TRPC4: variants seen among roughly 807,000 people sequenced by gnomAD.
TRPC4 encodes the protein transient receptor potential cation channel subfamily C member 4, also known as short transient receptor potential channel 4.
TRPC4 carries 49 observed loss-of-function variants against 99.4 expected under a neutral mutation model. The observed-to-expected ratio is 0.49, with a 90% confidence interval of 0.39 to 0.63. The LOEUF is 0.63. TRPC4 is among the 20% of genes least tolerant of loss of function. The pLI is 0.00. For missense variants in TRPC4, 898 were observed against 1,152.9 expected (o/e 0.78, Z 3.20); for synonymous variants, 454 against 425.9 (o/e 1.07, Z -0.81).
chr13:37,821,643 C>T (rs1958014394), intron 1 of TRPC4, among the ~76,000 whole-genome samples: 1 of 151,980 alleles, frequency 6.6e-6, no homozygotes, highest in South Asian at 2.1e-4. Flanking sequence ...AAATAGAAAG[C>T]CTAGAAATAA....
At chr13:37,792,045 A>G (rs1299578526) in intron 1 of TRPC4, among the ~76,000 whole-genome samples, 1 of 152,146 alleles carries the variant, frequency 6.6e-6, no homozygotes, top group Non-Finnish European at 1.5e-5. Flanking sequence ...TGTGTGAGGT[A>G]ATAACATAAT....
rs1951507097 is a variant in TRPC4, at chr13:37,636,033, ATAT to A, written c.*867_*869del. ...TTAGAATAAATTCATTTTCATTTGG[ATAT>A]TATTAGTATGTAATCATCTTGCTTG... is the stretch of plus-strand genomic sequence containing the variant. On this transcript the variant is annotated 3_prime_UTR_variant, in exon 11 of 11. Transcript: ENST00000379705. Among the ~76,000 whole-genome samples, 1 of 152,036 alleles carries A rather than the reference ATAT, an allele frequency of 6.6e-6. No individual in the cohort carries two copies. The highest frequency in any genetic ancestry group is 2.1e-4 in the South Asian group (1 of 4,834).
chr13:37,824,931 T>A (rs914864335), intron 1 of TRPC4, among the ~76,000 whole-genome samples: 4 of 152,176 alleles, frequency 2.6e-5, no homozygotes, highest in African/African-American at 9.7e-5. Flanking sequence ...AAGCTATTGA[T>A]TATTGCCACA....
At position 37,634,577 on chromosome 13, in the gene TRPC4, G is replaced by T. The variant is rs772963073; in HGVS notation, c.*2326C>A. ...ATAAATAAGCTACTGGGGGAAAAAA[G>T]GTTTTGTTGCTTGTACTGTTATTGG... On this transcript the variant is annotated 3_prime_UTR_variant, in exon 11 of 11. Transcript: ENST00000379705. 6.6e-6 allele frequency among the ~76,000 whole-genome samples: 1 copy of T among 151,948 alleles called. No homozygotes were observed. Among genetic ancestry groups the T allele is most frequent in the African/African-American group, 2.4e-5 (1 of 41,354 alleles).
At chr13:37,716,897 TTA>T (rs1954688890) in intron 3 of TRPC4, among the ~76,000 whole-genome samples, 1 of 152,172 alleles carries the variant, frequency 6.6e-6, no homozygotes, top group African/African-American at 2.4e-5. Context: ...AAGTGTTTTT[TTA>T]TCATGTTTGA....
chr13:37,823,304 T>C (rs1299833322), intron 1 of TRPC4, among the ~76,000 whole-genome samples: 1 of 151,762 alleles, frequency 6.6e-6, no homozygotes, highest in Non-Finnish European at 1.5e-5. Flanking sequence ...TTTTGGCTTT[T>C]GTTGCCATTG....
At chr13:37,709,235 A>C (rs1954390702) in intron 3 of TRPC4, among the ~76,000 whole-genome samples, 1 of 151,996 alleles carries the variant, frequency 6.6e-6, no homozygotes, top group Non-Finnish European at 1.5e-5. Context: ...GGAACTCATT[A>C]TCTAAGAGGT....
chr13:37,762,692 G>C (rs1956254943), intron 2 of TRPC4, among the ~76,000 whole-genome samples: 1 of 125,072 alleles, frequency 8.0e-6, no homozygotes, highest in Middle Eastern at 4.9e-3. Context: ...ACAGGAAGGG[G>C]AACATCACAC....
intron 1 of TRPC4, among the ~76,000 whole-genome samples, chr13:37,838,319 A>G (rs141775069): frequency 2.6e-5 from 4 of 152,208 alleles, no homozygotes; most frequent in Non-Finnish European, 4.4e-5. Flanking sequence ...GCAAATTCAC[A>G]TGCTCTACCT....
intron 1 of TRPC4, among the ~76,000 whole-genome samples, chr13:37,798,218 G>A (rs1295956477): frequency 6.6e-6 from 1 of 152,070 alleles, no homozygotes; most frequent in Non-Finnish European, 1.5e-5. Flanking sequence ...GTAATTTAAA[G>A]TGTTGATTTA....
At chr13:37,771,259 G>T (rs1956543225) in intron 2 of TRPC4, among the ~76,000 whole-genome samples, 1 of 151,654 alleles carries the variant, frequency 6.6e-6, no homozygotes, top group Non-Finnish European at 1.5e-5. Context: ...GTTATAAGAA[G>T]AAATGAGAAA....
chr13:37,799,710 A>T (rs1205994581), intron 1 of TRPC4, among the ~76,000 whole-genome samples: 2 of 152,188 alleles, frequency 1.3e-5, no homozygotes, highest in Non-Finnish European at 1.5e-5. Context: ...TTGGAAGTTC[A>T]GGGGTTTACT....
At position 37,796,968 on chromosome 13, in the gene TRPC4, A is replaced by ATAAAATAAAATAAAATAAAG. The variant is rs1555273561; in HGVS notation, c.-27-13609_-27-13608insCTTTATTTTATTTTATTTTA. ...ATAAAATAAAATAAAATAAAATAAA[A>ATAAAATAAAATAAAATAAAG]TAAAGTAAAGTAAAGTAAAGTAAAG... On this transcript the variant is annotated intron_variant, in intron 1 of 10. Coordinates refer to ENST00000379705, the MANE Select transcript of TRPC4 (RefSeq NM_016179.4). Among the ~76,000 whole-genome samples, 279 of 115,020 alleles carry ATAAAATAAAATAAAATAAAG rather than the reference A, an allele frequency of 2.4e-3. 4 individuals carry two copies. The highest frequency in any genetic ancestry group is 5.4e-3 in the East Asian group (19 of 3,488). 75.5% of individuals were successfully genotyped at this position (115,020 alleles called of 152,430 possible). A position where few individuals can be genotyped will look rare whatever the true frequency, so the allele number is the denominator to read the frequency against.
At chr13:37,820,141 A>G (rs1957972755) in intron 1 of TRPC4, among the ~76,000 whole-genome samples, 2 of 152,034 alleles carry the variant, frequency 1.3e-5, no homozygotes, top group Non-Finnish European at 1.5e-5. Flanking sequence ...AATACAAAAA[A>G]TTCCTTAGAG....
intron 1 of TRPC4, among the ~76,000 whole-genome samples, chr13:37,800,227 A>G (rs953500851): frequency 1.3e-5 from 2 of 152,094 alleles, no homozygotes; most frequent in East Asian, 3.8e-4. Context: ...AGGTCTTACT[A>G]TGTTGTCCAG....
At position 37,790,754 on chromosome 13, in the gene TRPC4, C is replaced by T. The variant is rs560323777; in HGVS notation, c.-27-7394G>A. On this transcript the variant is annotated intron_variant, in intron 1 of 10. Coordinates refer to ENST00000379705, the MANE Select transcript of TRPC4 (RefSeq NM_016179.4). ...AGAAAACTCGGTATATTATCCTCCC[C>T]CCTTTGGTGACATGGTAAAATTCAG... is the stretch of plus-strand genomic sequence containing the variant. 2.0e-5 allele frequency among the ~76,000 whole-genome samples: 3 copies of T among 152,208 alleles called. No homozygotes were observed. The South Asian group carries it at 6.2e-4, about 32-fold the overall frequency.
At position 37,868,802 on chromosome 13, in the gene TRPC4, A is replaced by G. The variant is rs540663062; in HGVS notation, c.-28+793T>C. Among the ~76,000 whole-genome samples the G allele has an allele frequency of 6.0e-3, 908 of 152,288 alleles. 5 individuals carry two copies. Among genetic ancestry groups the G allele is most frequent in the Non-Finnish European group, 0.01 (693 of 68,020 alleles). ...AGGGATACACCATAGTGGATACACC[A>G]TAGTGAATGCAGGCAGACAAGATAA... On this transcript the variant is annotated intron_variant, in intron 1 of 10. Transcript: ENST00000379705.
At chr13:37,788,925 G>T (rs1052224366) in intron 1 of TRPC4, among the ~76,000 whole-genome samples, 1 of 152,056 alleles carries the variant, frequency 6.6e-6, no homozygotes, top group African/African-American at 2.4e-5. Context: ...TTACTGGGAA[G>T]ATTTCAACGG....
chr13:37,846,441 G>T (rs1021289152), intron 1 of TRPC4, among the ~76,000 whole-genome samples: 1 of 151,990 alleles, frequency 6.6e-6, no homozygotes, highest in African/African-American at 2.4e-5. Context: ...TTAATAAAAA[G>T]TATGTGTGGG....
Sources: gnomAD v4.1 joint callset for allele counts (sites outside exome capture counted in the v4.1 genomes callset) on GRCh38, gnomAD v4.1.1 for gene constraint, MANE v1.5 for transcripts, NCBI Gene and HGNC (gene_info 2026-07-23, HGNC 2026-07-21) for gene names.